The following BCAT2 variants were observed in gnomAD, a reference collection of about 807,000 sequenced individuals.
BCAT2 encodes branched-chain-amino-acid aminotransferase, mitochondrial.
A neutral mutation model predicts 52.9 loss-of-function variants in BCAT2; 44 were observed. The ratio of observed to expected loss-of-function variants is 0.83; its 90% CI spans 0.65 to 1.07. The LOEUF is 1.07. BCAT2 is among the 50% of genes least tolerant of loss of function. BCAT2 has a pLI of 0.00. For missense variants in BCAT2, 478 were observed against 521.8 expected, an observed-to-expected ratio of 0.92 and a Z score of 0.82; for synonymous variants, 215 against 217.1, an observed-to-expected ratio of 0.99 and a Z score of 0.08.
At position 48,796,994 on chromosome 19, in the gene BCAT2, A is replaced by T; in HGVS notation, c.867T>A (p.Asn289Lys). The part of the protein sequence containing the change: ...GVLELVTPPL[N>K]GVILPGVVRQ... ...TGACCACTCCAGGCAGGATAACACC[A>T]TTCAGCGGGGGCGTCACCAGCTCCA... The change falls in exon 8 of 11, where the codon AAT (asparagine) becomes AAA (lysine). Residue 289 changes from asparagine to lysine, a missense_variant. Physicochemically the swap from Asn to Lys is moderately conservative, Grantham distance 94 (BLOSUM62 0). Coordinates refer to ENST00000316273, the MANE Select transcript of BCAT2 (RefSeq NM_001190.4). 1 of 1,614,154 alleles carries T rather than the reference A, an allele frequency of 6.2e-7. No individual in the cohort carries two copies. The highest frequency in any genetic ancestry group is 1.3e-5 in the African/African-American group (1 of 75,038).
In BCAT2 at chr19:48,795,333, C is replaced by A; in HGVS notation, c.*93G>T. 6.5e-7 allele frequency: 1 copy of A among 1,540,472 alleles called. No individual in the cohort carries two copies. The highest frequency in any genetic ancestry group is 8.9e-7 in the Non-Finnish European group (1 of 1,121,722). On this transcript the variant is annotated 3_prime_UTR_variant, in exon 11 of 11. Coordinates refer to ENST00000316273, the MANE Select transcript of BCAT2 (RefSeq NM_001190.4). Reference sequence around the variant, plus strand: ...GACGCCGCCCGCTGGCCTTTTATTTCGTATTGCACTTCAGGTGAGTCATTG... The same window carrying A: ...GACGCCGCCCGCTGGCCTTTTATTTAGTATTGCACTTCAGGTGAGTCATTG...
chr19:48,806,618 T>A lies in BCAT2; in HGVS notation c.199A>T (p.Met67Leu). Reference sequence around the variant, plus strand: ...CAGCCCTTGTCATTCCATTCCACCATCAGCATGTGGTCGGTAAATGTCTTC... The same window carrying A: ...CAGCCCTTGTCATTCCATTCCACCAACAGCATGTGGTCGGTAAATGTCTTC... Reference protein sequence around the residue: ...FGKTFTDHMLMVEWNDKGWGQ... With the variant: ...FGKTFTDHMLLVEWNDKGWGQ... Residue 67 changes from methionine (M) to leucine (L), a missense_variant, in exon 3 of 11, where the codon ATG (methionine) becomes TTG (leucine). Coordinates refer to ENST00000316273, the MANE Select transcript of BCAT2 (RefSeq NM_001190.4). 6.2e-7 allele frequency: 1 copy of A among 1,614,146 alleles called. No individual in the cohort carries two copies. The highest frequency in any genetic ancestry group is 8.5e-7 in the Non-Finnish European group (1 of 1,180,022).
intron 1 of BCAT2, among the ~76,000 whole-genome samples, chr19:48,809,663 G>A (rs930209647): frequency 1.3e-5 from 2 of 151,606 alleles, no homozygotes; most frequent in African/African-American, 4.8e-5. Flanking sequence ...GTCCCAAACA[G>A]CTCAGGAATG....
intron 1 of BCAT2, chr19:48,808,082 G>A (rs968317116): frequency 2.8e-5 from 28 of 987,518 alleles, no homozygotes; most frequent in Non-Finnish European, 3.1e-5. Context: ...GTGAATGGGC[G>A]TGGTCACTTG....
rs765131662 is a variant in BCAT2, at chr19:48,807,318, G to C, written c.25-244C>G. 5.3e-5 allele frequency: 23 copies of C among 433,868 alleles called. No homozygotes were observed. The highest frequency in any genetic ancestry group is 8.3e-5 in the Non-Finnish European group (20 of 240,562). 26.9% of individuals were successfully genotyped at this position (433,868 alleles called of 1,614,324 possible). On this transcript the variant is annotated intron_variant, in intron 1 of 10. Coordinates refer to ENST00000316273, the MANE Select transcript of BCAT2 (RefSeq NM_001190.4). This position sits in a 1 kb window ranked among gnomAD's most constrained non-coding sequence, Gnocchi z 4.6. ...CCTCCATGCTGCGGCAAAGTCAAAC[G>C]CAAGCGCCTCCCACCCCAGAGACCT... is the stretch of plus-strand genomic sequence containing the variant.
At chr19:48,806,903 A>G (rs996585938) in intron 2 of BCAT2, 97 bp downstream of exon 2, 19 of 1,454,086 alleles carry the variant, frequency 1.3e-5, no homozygotes, top group Non-Finnish European at 1.6e-5. Context: ...ACCACCACTC[A>G]CTGCCATCTC....
intron 1 of BCAT2, among the ~76,000 whole-genome samples, chr19:48,809,789 T>C (rs2034879757): frequency 6.6e-6 from 1 of 151,794 alleles, no homozygotes; most frequent in South Asian, 2.1e-4. Flanking sequence ...AAAAATCCCA[T>C]TGTTGTCTTT....
At chr19:48,795,551 G>T in intron 10 of BCAT2, 87 bp from the exon 11 acceptor site, 1 of 1,486,470 alleles carries the variant, frequency 6.7e-7, no homozygotes. Flanking sequence ...GAGTGCCTAC[G>T]GAGCTGTGCC....
Position 48,795,385 on chromosome 19 carries a change from A to C in BCAT2, c.*41T>G, listed in dbSNP as rs745310284. 4.7e-5 allele frequency: 76 copies of C among 1,613,302 alleles called. No homozygotes were observed. In the Admixed American group the frequency reaches 1.2e-3, roughly 25 times the overall value. Reference sequence around the variant, plus strand: ...TAGGGAGGCGAGTGCTGGCGTGACGAGATGCTACGGGTCGGTGGATCTGGA... The same window carrying C: ...TAGGGAGGCGAGTGCTGGCGTGACGCGATGCTACGGGTCGGTGGATCTGGA... On this transcript the variant is annotated 3_prime_UTR_variant, in exon 11 of 11. Coordinates refer to ENST00000316273, the MANE Select transcript of BCAT2 (RefSeq NM_001190.4).
intron 3 of BCAT2, 139 bp downstream of exon 3, chr19:48,806,378 G>C (rs192086932): frequency 2.7e-6 from 3 of 1,093,570 alleles, no homozygotes; most frequent in Admixed American, 2.3e-5. Flanking sequence ...AGCATGGAAG[G>C]CCTCAGAAAA....
chr19:48,795,514 C>T (rs1029588428), intron 10 of BCAT2, 50 bp from the exon 11 acceptor site: 4 of 1,606,674 alleles, frequency 2.5e-6, no homozygotes, highest in Non-Finnish European at 3.4e-6. Flanking sequence ...ACTACAACTC[C>T]CAGTAGGCCC....
Position 48,795,407 on chromosome 19 carries a change from T to C in BCAT2, c.*19A>G. 1 of 1,613,902 alleles carries C rather than the reference T, an allele frequency of 6.2e-7. No homozygotes were observed. Among genetic ancestry groups the C allele is most frequent in the East Asian group, 2.2e-5 (1 of 44,872 alleles). On this transcript the variant is annotated 3_prime_UTR_variant, in exon 11 of 11. Transcript: ENST00000316273. ...ACGAGATGCTACGGGTCGGTGGATC[T>C]GGAGCACAGCCTGCAGCTTCACACC... is the stretch of plus-strand genomic sequence containing the variant.
At chr19:48,810,799 T>A in intron 1 of BCAT2, 185 bp downstream of exon 1, 2 of 1,200,772 alleles carry the variant, frequency 1.7e-6, no homozygotes, top group East Asian at 5.3e-5. Context: ...GTCTACCTGC[T>A]CCCCCTCACC....
Position 48,799,674 on chromosome 19 carries a change from C to T in BCAT2, c.695+1G>A. 3 of 1,572,664 alleles carry T rather than the reference C, an allele frequency of 1.9e-6. No homozygotes were observed. The highest frequency in any genetic ancestry group is 2.6e-6 in the Non-Finnish European group (3 of 1,162,906). ...GTTCTGGGGATGGGGGTGCTACTTA[C>T]CCACCTAACTTGTAGTTGCCGACCC... is the stretch of plus-strand genomic sequence containing the variant. On this transcript the variant is annotated splice_donor_variant, in intron 6 of 10. Coordinates refer to ENST00000316273, the MANE Select transcript of BCAT2 (RefSeq NM_001190.4). LOFTEE classifies it high-confidence loss of function. The surrounding 1 kb of genome is among the most constrained non-coding windows in gnomAD (Gnocchi z 5.5).
intron 10 of BCAT2, 129 bp downstream of exon 10, chr19:48,796,299 C>G (rs763410261): frequency 3.3e-6 from 4 of 1,212,528 alleles, no homozygotes; most frequent in Non-Finnish European, 4.7e-6. Context: ...TCCAGGGCCT[C>G]AATAAGAAAG....
rs145231743 is a variant in BCAT2, at chr19:48,795,458, T to A, written c.1147A>T (p.Ile383Phe). 305 of 1,613,980 alleles carry A rather than the reference T, an allele frequency of 1.9e-4. No individual in the cohort carries two copies. The African/African-American group carries it at 3.1e-3, about 16-fold the overall frequency. ...GGGAACATCCACTCGTGGGCTCTGA[T>A]TCCGTACTGCGGAACAACGGAGGCA... Reference protein sequence around the residue: ...QKELKEIQYGIRAHEWMFPV With the variant: ...QKELKEIQYGFRAHEWMFPV The change falls in exon 11 of 11, where the codon ATC (isoleucine) becomes TTC (phenylalanine). Residue 383 changes from isoleucine (I) to phenylalanine (F), a missense_variant. Ile to Phe is a conservative substitution (Grantham distance 21). Transcript: ENST00000316273.
chr19:48,807,324 G>A lies in BCAT2; in HGVS notation c.25-250C>T, dbSNP rs1025447157. 1.2e-5 allele frequency: 5 copies of A among 423,616 alleles called. No individual in the cohort carries two copies. Among genetic ancestry groups the A allele is most frequent in the African/African-American group, 6.2e-5 (3 of 48,150 alleles). 26.2% of individuals were successfully genotyped at this position (423,616 alleles called of 1,614,324 possible). A position where few individuals can be genotyped will look rare whatever the true frequency, so the allele number is the denominator to read the frequency against. ...TGCTGCGGCAAAGTCAAACGCAAGC[G>A]CCTCCCACCCCAGAGACCTTTGGTC... On this transcript the variant is annotated intron_variant, in intron 1 of 10. Transcript: ENST00000316273. The surrounding 1 kb of genome is among the most constrained non-coding windows in gnomAD (Gnocchi z 4.6).
chr19:48,802,860 T>C (rs2034687232), intron 3 of BCAT2, among the ~76,000 whole-genome samples: 1 of 152,196 alleles, frequency 6.6e-6, no homozygotes, highest in Non-Finnish European at 1.5e-5. Flanking sequence ...AGCATGAGGC[T>C]GCAAGAAAGA....
chr19:48,798,791 A>ATTT (rs34719140), intron 6 of BCAT2: 9,702 of 132,660 alleles, frequency 0.073, 457 homozygotes, highest in South Asian at 0.11. Context: ...AGCCCGGCTA[A>ATTT]TTTTTTTTTT....
Sources: gnomAD v4.1 joint callset for allele counts (sites outside exome capture counted in the v4.1 genomes callset) on GRCh38, gnomAD v4.1.1 for gene constraint, Gnocchi (gnomAD v3.1) non-coding constraint, MANE v1.5 for transcripts, NCBI Gene and HGNC (gene_info 2026-07-23, HGNC 2026-07-21) for gene names.